PARVB: variants seen among roughly 807,000 people sequenced by gnomAD.
PARVB encodes parvin beta.
Under a neutral mutation model 47.0 loss-of-function variants are expected in PARVB, and 46 were observed. The observed-to-expected ratio is 0.98, with a 90% confidence interval of 0.77 to 1.25. The LOEUF (loss-of-function observed/expected upper bound fraction) is 1.25. PARVB is among the 50% of genes most tolerant of loss of function. PARVB has a pLI of 0.00. For missense variants in PARVB, 473 were observed against 471.6 expected (o/e 1.00, Z -0.03); for synonymous variants, 196 against 196.3 (o/e 1.00, Z 0.01).
intron 2 of PARVB, among the ~76,000 whole-genome samples, chr22:44,005,096 A>G (rs2146845012): frequency 6.6e-6 from 1 of 152,228 alleles, no homozygotes; most frequent in East Asian, 1.9e-4. Flanking sequence ...AAAAAATTTT[A>G]TAGTTTTATT....
intron 1 of PARVB, among the ~76,000 whole-genome samples, chr22:44,079,644 A>G (rs1214894428): frequency 6.6e-6 from 1 of 152,212 alleles, no homozygotes; most frequent in Admixed American, 6.5e-5. Context: ...CTGTGAGGCC[A>G]TCCAGTTGTT....
chr22:44,062,144 T>C (rs1229028619), intron 1 of PARVB, among the ~76,000 whole-genome samples: 2 of 152,134 alleles, frequency 1.3e-5, no homozygotes, highest in African/African-American at 4.8e-5. Context: ...ACACCAGAGG[T>C]GCAGGGATGC....
intron 1 of PARVB, among the ~76,000 whole-genome samples, chr22:44,079,927 C>CA (rs997344069): frequency 9.9e-5 from 15 of 151,890 alleles, no homozygotes; most frequent in Admixed American, 3.9e-4. Flanking sequence ...GACTCCTTCT[C>CA]AAAAAAAACA....
chr22:44,071,899 C>T (rs1014319965), intron 1 of PARVB, among the ~76,000 whole-genome samples: 1 of 152,212 alleles, frequency 6.6e-6, no homozygotes, highest in African/African-American at 2.4e-5. Context: ...ATGCCTGGCC[C>T]AAAGCCAGGA....
At chr22:44,149,653 A>G (rs899312162) in intron 9 of PARVB, 1 of 152,256 alleles carries the variant, frequency 6.6e-6, no homozygotes, top group African/African-American at 2.4e-5. Flanking sequence ...TTAATGGCTC[A>G]TGAAATCTCC....
chr22:44,065,334 GT>G (rs1031307056), intron 1 of PARVB, among the ~76,000 whole-genome samples: 1 of 152,006 alleles, frequency 6.6e-6, no homozygotes, highest in African/African-American at 2.4e-5. Context: ...TTTATTTTCT[GT>G]TTTTTTAGAG....
chr22:44,129,599 A>G (rs542662992), intron 4 of PARVB, among the ~76,000 whole-genome samples: 8 of 152,032 alleles, frequency 5.3e-5, no homozygotes, highest in African/African-American at 1.9e-4. Flanking sequence ...TGCCCTTTCC[A>G]TGGTTGTTGA....
In PARVB at chr22:44,136,477, G is replaced by A. The variant is rs1245971204; in HGVS notation, c.651G>A (p.Leu217=). ...VVVVRKREGL[L]HSSHISEELT... ...GTTTTCAGAAACGGGAAGGCCTGCT[G>A]CATTCCAGCCACATCTCGGAGGAGC... Residue 217 remains leucine (L), a synonymous_variant, in exon 7 of 13, where the codon CTG becomes CTA. Transcript: ENST00000338758. 4.3e-6 allele frequency: 7 copies of A among 1,614,098 alleles called. No individual in the cohort carries two copies. Among genetic ancestry groups the A allele is most frequent in the East Asian group, 2.2e-5 (1 of 44,874 alleles).
At chr22:44,069,738 A>G (rs558816951) in intron 1 of PARVB, among the ~76,000 whole-genome samples, 1 of 152,310 alleles carries the variant, frequency 6.6e-6, no homozygotes, top group Admixed American at 6.5e-5. Context: ...CATGTTGGCC[A>G]GGCTGGTCTT....
intron 1 of PARVB, 87 bp from the exon 2 acceptor site, chr22:44,093,841 T>C: frequency 1.3e-6 from 1 of 766,730 alleles, no homozygotes; most frequent in Non-Finnish European, 2.2e-6. Context: ...AAACAGGAAT[T>C]GATTTCTCTC....
At chr22:44,154,338 T>G (rs942911587) in intron 10 of PARVB, among the ~76,000 whole-genome samples, 3 of 152,212 alleles carry the variant, frequency 2.0e-5, no homozygotes, top group Non-Finnish European at 4.4e-5. Context: ...ATTTGGGTAT[T>G]TTTATAAATA....
intron 1 of PARVB, among the ~76,000 whole-genome samples, chr22:44,079,880 A>G (rs1204016034): frequency 6.6e-6 from 1 of 152,134 alleles, no homozygotes; most frequent in Non-Finnish European, 1.5e-5. Flanking sequence ...GTGAGCCGAG[A>G]TTGTGCCACT....
At chr22:44,166,225 T>G (rs991099271) in intron 12 of PARVB, among the ~76,000 whole-genome samples, 1 of 152,212 alleles carries the variant, frequency 6.6e-6, no homozygotes, top group African/African-American at 2.4e-5. Context: ...CTCTCTTGCC[T>G]CAGCCTCACA....
rs34166269 is a variant in PARVB at position 44,101,407 on chromosome 22, CA to C, written c.273+1293del. Among the ~76,000 whole-genome samples, 1,108 of 128,754 alleles carry C rather than the reference CA, an allele frequency of 8.6e-3. 22 individuals carry two copies. Among genetic ancestry groups the C allele is most frequent in the African/African-American group, 0.039 (1,047 of 26,518 alleles). The allele number at this position is 128,754 out of a possible 152,430, so 84.5% of individuals were successfully genotyped here. ...CCTGGGCGACAGCGAGGCTCCGTCTCAAAAAAAAATAAAAAATAAAAAATAA... is the reference window on the plus strand; with the variant it reads ...CCTGGGCGACAGCGAGGCTCCGTCTCAAAAAAAATAAAAAATAAAAAATAA... On this transcript the variant is annotated intron_variant, in intron 3 of 12. Transcript: ENST00000338758.
Position 44,156,481 on chromosome 22 carries a change from G to A in PARVB, c.844-1501G>A, listed in dbSNP as rs1264807941. 6.6e-5 allele frequency among the ~76,000 whole-genome samples: 10 copies of A among 152,082 alleles called. No homozygotes were observed. In the South Asian group the frequency reaches 1.7e-3, roughly 25 times the overall value. ...TTTACTAGAGACGGGGTTTCACCCT[G>A]TTGGTCAGGCTGGTCTTGAACTCCT... On this transcript the variant is annotated intron_variant, in intron 10 of 12. Coordinates refer to ENST00000338758, the MANE Select transcript of PARVB (RefSeq NM_013327.5).
rs761456671 is a variant in PARVB, at chr22:44,084,114, C to T, written c.113-9814C>T. Among the ~76,000 whole-genome samples, 41 of 152,204 alleles carry T rather than the reference C, an allele frequency of 2.7e-4. 1 individual carries two copies. Among genetic ancestry groups the T allele is most frequent in the African/African-American group, 4.6e-4 (19 of 41,440 alleles). ...TAGTGGTAAGATGATGGGACGGCTTCAACCTCCATCCTTTCTGGGTCAAGG... is the reference window on the plus strand; with the variant it reads ...TAGTGGTAAGATGATGGGACGGCTTTAACCTCCATCCTTTCTGGGTCAAGG... On this transcript the variant is annotated intron_variant, in intron 1 of 12. Transcript: ENST00000338758.
At chr22:44,168,408 G>C in intron 12 of PARVB, 194 bp from the exon 13 acceptor site, 3 of 564,410 alleles carry the variant, frequency 5.3e-6, no homozygotes, top group Non-Finnish European at 9.6e-6. Flanking sequence ...CGCGCCAGGA[G>C]CTCTCACAAA....
At chr22:44,093,450 A>G (rs2052220852) in intron 1 of PARVB, among the ~76,000 whole-genome samples, 1 of 152,142 alleles carries the variant, frequency 6.6e-6, no homozygotes, top group Non-Finnish European at 1.5e-5. Flanking sequence ...TGTGGCCATC[A>G]CCAGTGACCC....
chr22:44,093,901 TG>T, intron 1 of PARVB, 26 bp from the exon 2 acceptor site: 1 of 1,537,492 alleles, frequency 6.5e-7, no homozygotes, highest in Non-Finnish European at 9.0e-7. Flanking sequence ...TATACTAACC[TG>T]GTTTTTCTTT....
Sources: allele counts gnomAD v4.1 joint callset (sites outside exome capture counted in the v4.1 genomes callset), GRCh38; gene constraint gnomAD v4.1.1; transcripts MANE v1.5; gene names NCBI Gene and HGNC (gene_info 2026-07-23, HGNC 2026-07-21).